The following BRSK2 variants were observed in gnomAD, a reference collection of about 807,000 sequenced individuals.
BRSK2 encodes BR serine/threonine kinase 2.
A neutral mutation model predicts 83.3 loss-of-function variants in BRSK2; 19 were observed. The observed-to-expected ratio is 0.23, with a 90% CI of 0.16 to 0.33. The LOEUF (loss-of-function observed/expected upper bound fraction) is 0.33, where lower values mean the gene tolerates loss of function less well. BRSK2 is among the 10% of genes least tolerant of loss of function. The probability of loss-of-function intolerance (pLI) is 1.00; values close to 1 mark genes in which losing one functional copy is unlikely to be tolerated. For synonymous variants in BRSK2, 519 were observed against 435.4 expected (o/e 1.19, Z -2.39); for missense variants, 798 against 1,042.3 (o/e 0.77, Z 3.23).
At chr11:1,399,979 C>T (rs1334423296) in intron 1 of BRSK2, among the ~76,000 whole-genome samples, 4 of 152,206 alleles carry the variant, frequency 2.6e-5, no homozygotes, top group Non-Finnish European at 5.9e-5. Flanking sequence ...ACCTCCGTTA[C>T]GCAGGAATAG....
At chr11:1,447,462 G>C (rs967169288) in intron 12 of BRSK2, among the ~76,000 whole-genome samples, 1 of 152,214 alleles carries the variant, frequency 6.6e-6, no homozygotes, top group Non-Finnish European at 1.5e-5. Context: ...GCCTCTGGAA[G>C]GCCACTAGTC....
chr11:1,390,495 C>T lies in BRSK2; in HGVS notation c.91+120C>T. 1 of 408,702 alleles carries T rather than the reference C, an allele frequency of 2.4e-6. No individual in the cohort carries two copies. The highest frequency in any genetic ancestry group is 3.3e-6 in the Non-Finnish European group (1 of 305,150). 25.3% of individuals were successfully genotyped at this position (408,702 alleles called of 1,614,324 possible). On this transcript the variant is annotated intron_variant, in intron 1 of 19. Coordinates refer to ENST00000528841, the MANE Select transcript of BRSK2 (RefSeq NM_001256627.2). The surrounding 1 kb of genome is among the most constrained non-coding windows in gnomAD (Gnocchi z 6.8). ...GCAGGCCCGGCCCGGGCCCCGGCCG[C>T]GAACAATGGGCGGCCCGTGCGCCCC...
chr11:1,406,299 T>C (rs1168039798), intron 1 of BRSK2, among the ~76,000 whole-genome samples: 2 of 152,088 alleles, frequency 1.3e-5, no homozygotes, highest in Non-Finnish European at 2.9e-5. Flanking sequence ...CCATCTCTAC[T>C]AAAAATACAA....
chr11:1,409,490 CA>C (rs1429428629), intron 1 of BRSK2: 3 of 152,240 alleles, frequency 2.0e-5, no homozygotes, highest in Non-Finnish European at 2.9e-5. Context: ...CTCCCCTGCT[CA>C]GGGTGTGCCG....
Position 1,461,116 on chromosome 11 carries a change from C to T in BRSK2, c.*393C>T, listed in dbSNP as rs1847450556. ...CAGCGCCCCGTCCACCCCGCGGCAGCTCCTCGCCTCAGCTCCGCACGGCCC... is the reference window on the plus strand; with the variant it reads ...CAGCGCCCCGTCCACCCCGCGGCAGTTCCTCGCCTCAGCTCCGCACGGCCC... On this transcript the variant is annotated 3_prime_UTR_variant, in exon 20 of 20. Coordinates refer to ENST00000528841, the MANE Select transcript of BRSK2 (RefSeq NM_001256627.2). 1 of 1,402,252 alleles carries T rather than the reference C, an allele frequency of 7.1e-7. No homozygotes were observed. The highest frequency in any genetic ancestry group is 1.3e-5 in the South Asian group (1 of 79,984). The allele number at this position is 1,402,252 out of a possible 1,614,324, so 86.9% of individuals were successfully genotyped here.
chr11:1,435,908 C>T (rs1038215374), intron 1 of BRSK2, 132 bp from the exon 2 acceptor site: 5 of 625,332 alleles, frequency 8.0e-6, no homozygotes, highest in Non-Finnish European at 1.4e-5. Flanking sequence ...CGGGCAGGGG[C>T]CTCCGGCCCT....
In BRSK2 at chr11:1,451,426, G is replaced by C; in HGVS notation, c.1544+7G>C. On this transcript the variant is annotated splice_region_variant and intron_variant, in intron 15 of 19. Transcript: ENST00000528841. ...CACCAGAGTCGTCCCCAGAGTAAGT[G>C]GCCCCTGCTGGAGGCCTCCTGGTAC... The C allele has an allele frequency of 1.2e-6, 2 of 1,612,680 alleles. No homozygotes were observed.
chr11:1,403,407 G>C (rs1362782122), intron 1 of BRSK2, among the ~76,000 whole-genome samples: 1 of 152,100 alleles, frequency 6.6e-6, no homozygotes. Flanking sequence ...TGCCCCTGCT[G>C]GTGCTGGGGT....
chr11:1,445,893 C>A lies in BRSK2; in HGVS notation c.1212C>A (p.Ala404=). ...PVPARRAIEM[A]QHGQRSRSIS... ...CTGCGCGGCGGGCCATTGAGATGGC[C>A]CAGCACGGCCAGAGGTGTGTGTGCC... is the stretch of plus-strand genomic sequence containing the variant. The change falls in exon 12 of 20, where the codon GCC becomes GCA. Residue 404 remains alanine (A), a synonymous_variant. Transcript: ENST00000528841. The A allele has an allele frequency of 1.9e-6, 3 of 1,609,710 alleles. No individual in the cohort carries two copies. The highest frequency in any genetic ancestry group is 2.5e-6 in the Non-Finnish European group (3 of 1,178,436).
intron 1 of BRSK2, among the ~76,000 whole-genome samples, chr11:1,407,628 C>T (rs548024185): frequency 6.6e-6 from 1 of 152,352 alleles, no homozygotes; most frequent in African/African-American, 2.4e-5. Flanking sequence ...GGCCTCGACG[C>T]AGCCCCTAAA....
In BRSK2 at chr11:1,456,594, C is replaced by T. The variant is rs746263893; in HGVS notation, c.1850-4C>T. 1.2e-6 allele frequency: 2 copies of T among 1,610,134 alleles called. No homozygotes were observed. Among genetic ancestry groups the T allele is most frequent in the South Asian group, 1.1e-5 (1 of 90,464 alleles). On this transcript the variant is annotated splice_region_variant and splice_polypyrimidine_tract_variant and intron_variant, in intron 17 of 19. Coordinates refer to ENST00000528841, the MANE Select transcript of BRSK2 (RefSeq NM_001256627.2). ...TCCAGGGCATAACCCCCTGTCTCCC[C>T]TAGGCCCCAGCCGTCGCTTCAAGAG...
At chr11:1,411,128 T>A in intron 1 of BRSK2, 3 of 1,208,044 alleles carry the variant, frequency 2.5e-6, no homozygotes, top group Non-Finnish European at 3.1e-6. Context: ...CTGGGGATCC[T>A]CAGGGGCCTA....
intron 1 of BRSK2, among the ~76,000 whole-genome samples, chr11:1,394,868 C>T (rs1440650461): frequency 2.8e-5 from 3 of 108,994 alleles, no homozygotes; most frequent in Non-Finnish European, 3.9e-5. Context: ...TGGAGATGGG[C>T]CATGGAGATG....
chr11:1,405,801 G>A (rs959208300), intron 1 of BRSK2, among the ~76,000 whole-genome samples: 10 of 152,074 alleles, frequency 6.6e-5, no homozygotes, highest in Non-Finnish European at 1.5e-4. Flanking sequence ...CATCTCCAGC[G>A]CTCGGTCCTT....
At chr11:1,443,081 C>T (rs775783191) in intron 5 of BRSK2, 25 bp from the exon 6 acceptor site, 45 of 1,531,480 alleles carry the variant, frequency 2.9e-5, no homozygotes, top group African/African-American at 5.5e-5. Context: ...GGAGCCCCGC[C>T]GCTGACCTCT....
At chr11:1,436,958 T>G (rs1850395003) in intron 2 of BRSK2, among the ~76,000 whole-genome samples, 1 of 146,472 alleles carries the variant, frequency 6.8e-6, no homozygotes, top group Non-Finnish European at 1.5e-5. Context: ...GTGGAGGAAT[T>G]AACCAGACTA....
At chr11:1,457,082 G>A in intron 18 of BRSK2, 1 of 1,523,040 alleles carries the variant, frequency 6.6e-7, no homozygotes, top group South Asian at 1.2e-5. Context: ...GGGCGGGGAG[G>A]GGCTGCGGGC....
chr11:1,399,702 G>A (rs1195420617), intron 1 of BRSK2, among the ~76,000 whole-genome samples: 2 of 152,146 alleles, frequency 1.3e-5, no homozygotes, highest in Non-Finnish European at 2.9e-5. Context: ...GTCATCTGCT[G>A]TGGCCCTGCC....
At chr11:1,410,890 G>A (rs1847405402) in intron 1 of BRSK2, 1 of 986,398 alleles carries the variant, frequency 1.0e-6, no homozygotes, top group African/African-American at 1.7e-5. Context: ...GCCTTCGACG[G>A]CCCTTTTGTG....
Sources: allele counts gnomAD v4.1 joint callset (sites outside exome capture counted in the v4.1 genomes callset), GRCh38; gene constraint gnomAD v4.1.1; non-coding constraint Gnocchi (gnomAD v3.1); transcripts MANE v1.5; gene names NCBI Gene and HGNC (gene_info 2026-07-23, HGNC 2026-07-21).